Variants in CCT6A observed in about 807,000 individuals in gnomAD.
CCT6A encodes the protein T-complex protein 1 subunit zeta.
In CCT6A, 6 loss-of-function variants were observed where a neutral mutation model predicts 58.6. The ratio of observed to expected loss-of-function variants is 0.10; its 90% CI spans 0.06 to 0.20. The LOEUF (loss-of-function observed/expected upper bound fraction) is 0.20, where lower values mean the gene tolerates loss of function less well. Ranked by LOEUF, CCT6A falls within the 10% of genes least tolerant of loss-of-function variation. The pLI, the probability that CCT6A is intolerant of heterozygous loss-of-function variation, is 1.00. For missense variants in CCT6A, 516 were observed against 648.8 expected (o/e 0.80, Z 2.22); for synonymous variants, 245 against 227.8 (o/e 1.08, Z -0.68).
Position 56,051,844 on chromosome 7 carries a change from C to A in CCT6A, c.-5C>A. The A allele has an allele frequency of 6.4e-7, 1 of 1,557,584 alleles. No homozygotes were observed. The highest frequency in any genetic ancestry group is 8.7e-7 in the Non-Finnish European group (1 of 1,151,426). On this transcript the variant is annotated 5_prime_UTR_variant, in exon 1 of 14. Transcript: ENST00000275603. The stretch of plus-strand genomic sequence containing the variant: ...ATCGTTTCCTTTTCCTCCGCTGGAG[C>A]AGCTATGGCGGCGGTGAAGACCCTG...
Position 56,051,980 on chromosome 7 carries a change from G to A in CCT6A, c.132G>A (p.Met44Ile). 1 of 1,525,126 alleles carries A rather than the reference G, an allele frequency of 6.6e-7. No homozygotes were observed. Among genetic ancestry groups the A allele is most frequent in the South Asian group, 1.2e-5 (1 of 82,528 alleles). 94.5% of individuals were successfully genotyped at this position (1,525,126 alleles called of 1,614,324 possible). A position where few individuals can be genotyped will look rare whatever the true frequency, so the allele number is the denominator to read the frequency against. Residue 44 changes from methionine (M) to isoleucine (I), a missense_variant, in exon 1 of 14, where the codon ATG becomes ATA. This residue lies in a region of CCT6A where 116 missense variants were observed against 184.5 expected (regional missense o/e 0.63). Transcript: ENST00000275603. ...LRTNLGPKGT[M>I]KMLVSGAGDI... Reference sequence around the variant, plus strand: ...CCAACCTGGGGCCCAAGGGCACCATGAAGATGTAAGGCGGGGCTGAACCGG... The same window carrying A: ...CCAACCTGGGGCCCAAGGGCACCATAAAGATGTAAGGCGGGGCTGAACCGG...
chr7:56,057,780 C>G (rs2117341767), intron 5 of CCT6A, among the ~76,000 whole-genome samples: 1 of 152,254 alleles, frequency 6.6e-6, no homozygotes, highest in South Asian at 2.1e-4. Context: ...GCTTGAGAGG[C>G]TGAGGTAGGA....
Position 56,061,415 on chromosome 7 carries a change from T to TC in CCT6A, c.1348-329dup, listed in dbSNP as rs576456606. Among the ~76,000 whole-genome samples, 27 of 149,022 alleles carry TC rather than the reference T, an allele frequency of 1.8e-4. 2 individuals carry two copies. In the South Asian group the frequency reaches 5.4e-3, roughly 30 times the overall value. ...TTTTTGAGACAGTTTTGTTCTTGTTTCCCAGGCTGGAGTGTAATGGTGCGA... is the reference window on the plus strand; with the variant it reads ...TTTTTGAGACAGTTTTGTTCTTGTTTCCCCAGGCTGGAGTGTAATGGTGCGA... On this transcript the variant is annotated intron_variant, in intron 11 of 13. Transcript: ENST00000275603.
chr7:56,060,290 A>G lies in CCT6A; in HGVS notation c.1087A>G (p.Ile363Val), dbSNP rs770754886. The G allele has an allele frequency of 3.1e-6, 5 of 1,613,824 alleles. No individual in the cohort carries two copies. Among genetic ancestry groups the G allele is most frequent in the Admixed American group, 1.7e-5 (1 of 60,012 alleles). ...ATAGGGAGAAGAGAAGTTTACCTTT[A>G]TTGAGAAATGTAACAACCCTCGTTC... ...YTLGEEKFTF[I>V]EKCNNPRSVT... Residue 363 changes from isoleucine (I) to valine (V), a missense_variant, in exon 10 of 14, where the codon ATT (isoleucine) becomes GTT (valine). Physicochemically the swap from Ile to Val is conservative, Grantham distance 29. Transcript: ENST00000275603.
Position 56,052,131 on chromosome 7 carries a change from C to G in CCT6A, c.137+146C>G, listed in dbSNP as rs1380874387. On this transcript the variant is annotated intron_variant, in intron 1 of 13. Coordinates refer to ENST00000275603, the MANE Select transcript of CCT6A (RefSeq NM_001762.4). ...CCTCCGGGGTCGGTCCTGTGTCCCTCCTAAGCCCCACCGTCCCGGCCATTT... is the reference window on the plus strand; with the variant it reads ...CCTCCGGGGTCGGTCCTGTGTCCCTGCTAAGCCCCACCGTCCCGGCCATTT... 4.0e-6 allele frequency: 3 copies of G among 742,218 alleles called. No homozygotes were observed. In the African/African-American group the frequency reaches 5.5e-5, roughly 13 times the overall value. 46.0% of individuals were successfully genotyped at this position (742,218 alleles called of 1,614,324 possible).
At chr7:56,055,334 C>G in intron 3 of CCT6A, 1 of 424,628 alleles carries the variant, frequency 2.4e-6, no homozygotes. Context: ...TGTTGGGACA[C>G]AGTGTTGGTT....
intron 5 of CCT6A, among the ~76,000 whole-genome samples, chr7:56,057,105 A>T (rs1794325875): frequency 1.3e-5 from 2 of 152,060 alleles, no homozygotes; most frequent in South Asian, 4.1e-4. Flanking sequence ...ATATCTTTGG[A>T]TATAAAATGT....
At chr7:56,057,080 A>G (rs547214767) in intron 5 of CCT6A, among the ~76,000 whole-genome samples, 1 of 152,026 alleles carries the variant, frequency 6.6e-6, no homozygotes, top group East Asian at 1.9e-4. Context: ...CAGGCGTGAG[A>G]TGGCAATTTT....
At chr7:56,059,677 T>A (rs1794390603) in intron 9 of CCT6A, 37 bp downstream of exon 9, 1 of 1,000,622 alleles carries the variant, frequency 1.0e-6, no homozygotes, top group Non-Finnish European at 1.6e-6. Context: ...ATAGAACCTT[T>A]TAGCTCGTGA....
chr7:56,055,921 AAT>A (rs1209834278), intron 4 of CCT6A, 124 bp downstream of exon 4: 3 of 657,472 alleles, frequency 4.6e-6, no homozygotes, highest in Non-Finnish European at 7.7e-6. Flanking sequence ...TTTTTGTGGC[AAT>A]GATACCTAAT....
chr7:56,058,281 T>G, intron 6 of CCT6A, 81 bp from the exon 7 acceptor site: 1 of 1,106,638 alleles, frequency 9.0e-7, no homozygotes, highest in Non-Finnish European at 1.3e-6. Flanking sequence ...AGTGAACTGT[T>G]AAATCTTAGG....
At chr7:56,060,239 T>G in intron 9 of CCT6A, 30 bp from the exon 10 acceptor site, 1 of 1,601,732 alleles carries the variant, frequency 6.2e-7, no homozygotes, top group Non-Finnish European at 8.6e-7. Context: ...CAAATCCTGT[T>G]TTTGAAAATC....
In CCT6A at chr7:56,058,081, G is replaced by C. The variant is rs1330198064; in HGVS notation, c.703G>C (p.Val235Leu). 1.3e-6 allele frequency: 2 copies of C among 1,597,172 alleles called. No individual in the cohort carries two copies. The highest frequency in any genetic ancestry group is 1.7e-6 in the Non-Finnish European group (2 of 1,164,666). The change falls in exon 6 of 14, where the codon GTG becomes CTG. Residue 235 changes from valine (V) to leucine (L), a missense_variant. Coordinates refer to ENST00000275603, the MANE Select transcript of CCT6A (RefSeq NM_001762.4). ...VEDAYILTCN[V>L]SLEYEKTEVN... ...GGATGCATACATCCTCACTTGTAAC[G>C]TGTCATTAGAGTATGAGAAAACGTA...
At chr7:56,059,723 C>T (rs1403786339) in intron 9 of CCT6A, 83 bp downstream of exon 9, 6 of 723,402 alleles carry the variant, frequency 8.3e-6, no homozygotes, top group African/African-American at 5.2e-5. Context: ...TGGGGTCTCA[C>T]TCCTGCCCGG....
In CCT6A at chr7:56,058,350, TTTTC is replaced by T. The variant is rs1219958988; in HGVS notation, c.726-9_726-6del. 6.4e-7 allele frequency: 1 copy of T among 1,552,708 alleles called. No homozygotes were observed. Among genetic ancestry groups the T allele is most frequent in the African/African-American group, 1.4e-5 (1 of 71,888 alleles). ...TTTCCCTGCTTTCTGTAACTTTTTT[TTTTC>T]TTAATAGAGAAGTGAATTCTGGCTT... On this transcript the variant is annotated splice_region_variant and splice_polypyrimidine_tract_variant and intron_variant, in intron 6 of 13. Coordinates refer to ENST00000275603, the MANE Select transcript of CCT6A (RefSeq NM_001762.4).
chr7:56,062,303 C>A (rs531377867), intron 12 of CCT6A, among the ~76,000 whole-genome samples: 1 of 152,192 alleles, frequency 6.6e-6, no homozygotes, highest in East Asian at 1.9e-4. Flanking sequence ...AAATTAAGTA[C>A]AAAGTAGGAG....
intron 2 of CCT6A, among the ~76,000 whole-genome samples, chr7:56,053,418 C>T (rs1794232920): frequency 1.3e-5 from 2 of 152,032 alleles, no homozygotes; most frequent in Non-Finnish European, 1.5e-5. Flanking sequence ...CAGTGGTGGC[C>T]CGTGTTTGAA....
rs1402374263 is a variant in CCT6A, at chr7:56,056,405, C to G, written c.605C>G (p.Thr202Ser). Reference protein sequence around the residue: ...EIMEMKHKSETDTSLIRGLVL... With the variant: ...EIMEMKHKSESDTSLIRGLVL... ...ATGGAGATGAAACATAAATCTGAAA[C>G]TGATACAAGGTAGGTGGTAGAAGAC... The change falls in exon 5 of 14, where the codon ACT becomes AGT. Residue 202 changes from threonine to serine, a missense_variant. Around this residue, in one of 3 missense-constraint regions of CCT6A, gnomAD observed 85 missense variants for 74.9 expected, o/e 1.13. Transcript: ENST00000275603. 1 of 1,470,096 alleles carries G rather than the reference C, an allele frequency of 6.8e-7. No individual in the cohort carries two copies. The highest frequency in any genetic ancestry group is 2.3e-5 in the East Asian group (1 of 44,208). 91.1% of individuals were successfully genotyped at this position (1,470,096 alleles called of 1,614,324 possible).
At chr7:56,061,045 A>T in intron 11 of CCT6A, 105 bp downstream of exon 11, 1 of 1,301,228 alleles carries the variant, frequency 7.7e-7, no homozygotes, top group Non-Finnish European at 1.0e-6. Context: ...AGCAAGTTTG[A>T]TCAGTTTTCT....
Sources: gnomAD v4.1 joint callset for allele counts (sites outside exome capture counted in the v4.1 genomes callset) on GRCh38, gnomAD v4.1.1 for gene constraint, gnomAD v4.1.1 regional missense constraint, MANE v1.5 for transcripts, NCBI Gene and HGNC (gene_info 2026-07-23, HGNC 2026-07-21) for gene names.